Variants in KIF16B observed in about 807,000 individuals in gnomAD.
KIF16B encodes the protein kinesin family member 16B.
In KIF16B, 98 loss-of-function variants were observed where a neutral mutation model predicts 156.3. The ratio of observed to expected loss-of-function variants is 0.63; its 90% CI spans 0.53 to 0.74. The LOEUF is 0.74. Among genes scored for constraint, KIF16B ranks in the 30% least tolerant of loss-of-function variants. The pLI is 0.00. For missense variants in KIF16B, 1,421 were observed against 1,606.5 expected (o/e 0.88, Z 1.97); for synonymous variants, 564 against 583.7 (o/e 0.97, Z 0.49).
At chr20:16,277,565 C>T (rs2122275431) in intron 25 of KIF16B, among the ~76,000 whole-genome samples, 1 of 151,734 alleles carries the variant, frequency 6.6e-6, no homozygotes, top group East Asian at 1.9e-4. Flanking sequence ...TTTTCCACAG[C>T]ATCTGTGGCT....
chr20:16,570,678 T>C (rs2071419436), intron 1 of KIF16B, among the ~76,000 whole-genome samples: 1 of 152,210 alleles, frequency 6.6e-6, no homozygotes, highest in South Asian at 2.1e-4. Flanking sequence ...ACTAGCCTTG[T>C]CTTCAAGACC....
rs551673394 is a variant in KIF16B at position 16,336,775 on chromosome 20, G to A, written c.3622-760C>T. ...AGCCAGAGATGCTGAAGTCATCCCTGACCTCCCTTCTCTTCCTATCCCTGC... is the reference window on the plus strand; with the variant it reads ...AGCCAGAGATGCTGAAGTCATCCCTAACCTCCCTTCTCTTCCTATCCCTGC... On this transcript the variant is annotated intron_variant, in intron 23 of 25. Transcript: ENST00000354981. 9.3e-4 allele frequency among the ~76,000 whole-genome samples: 141 copies of A among 152,250 alleles called. 1 individual carries two copies. The highest frequency in any genetic ancestry group is 3.1e-3 in the African/African-American group (129 of 41,562).
At chr20:16,470,745 A>C (rs553119213) in intron 12 of KIF16B, among the ~76,000 whole-genome samples, 76 of 151,398 alleles carry the variant, frequency 5.0e-4, no homozygotes, top group Admixed American at 1.2e-3. Context: ...AATCGGCCCA[A>C]CTCAGCCTCT....
At chr20:16,487,531 T>C (rs957556839) in intron 12 of KIF16B, among the ~76,000 whole-genome samples, 4 of 152,188 alleles carry the variant, frequency 2.6e-5, no homozygotes, top group African/African-American at 9.7e-5. Context: ...AAAAATCTTT[T>C]ATAGGTTGCC....
Position 16,511,405 on chromosome 20 carries a change from T to C in KIF16B, c.556+13A>G. On this transcript the variant is annotated intron_variant, in intron 6 of 25. Coordinates refer to ENST00000354981, the MANE Select transcript of KIF16B (RefSeq NM_024704.5). ...TCACAAAAAGAATATGGCTGTGAAATATCTACTCTTACCCTCAACATAAGG... is the reference window on the plus strand; with the variant it reads ...TCACAAAAAGAATATGGCTGTGAAACATCTACTCTTACCCTCAACATAAGG... 3 of 1,401,758 alleles carry C rather than the reference T, an allele frequency of 2.1e-6. No individual in the cohort carries two copies. The highest frequency in any genetic ancestry group is 1.4e-5 in the African/African-American group (1 of 70,050). The allele number at this position is 1,401,758 out of a possible 1,614,324, so 86.8% of individuals were successfully genotyped here. A position where few individuals can be genotyped will look rare whatever the true frequency, so the allele number is the denominator to read the frequency against.
intron 12 of KIF16B, among the ~76,000 whole-genome samples, chr20:16,468,067 G>A (rs1211219564): frequency 1.3e-5 from 2 of 152,040 alleles, no homozygotes; most frequent in African/African-American, 4.8e-5. Context: ...ATAAACCAAT[G>A]AAAAGACATA....
At chr20:16,480,387 A>G (rs756139832) in intron 12 of KIF16B, among the ~76,000 whole-genome samples, 4 of 152,164 alleles carry the variant, frequency 2.6e-5, no homozygotes, top group African/African-American at 7.2e-5. Flanking sequence ...CAGCCTACCC[A>G]CTTGTGATTG....
chr20:16,522,584 C>T (rs1486618727), intron 3 of KIF16B, among the ~76,000 whole-genome samples: 1 of 152,130 alleles, frequency 6.6e-6, no homozygotes, highest in Non-Finnish European at 1.5e-5. Context: ...GACTTTAACA[C>T]CCCACTGTCA....
intron 12 of KIF16B, among the ~76,000 whole-genome samples, chr20:16,480,505 T>C (rs546330454): frequency 2.0e-5 from 3 of 152,298 alleles, no homozygotes; most frequent in Middle Eastern, 3.4e-3. Flanking sequence ...AAGACTTAAA[T>C]AATGATAAAA....
Position 16,501,706 on chromosome 20 carries a change from C to A in KIF16B, c.1176+2666G>T, listed in dbSNP as rs76142678. Reference sequence around the variant, plus strand: ...CTACTACATGCAACAGCATGGGTGACTCTCACAAACATAATGTTGACTGAA... The same window carrying A: ...CTACTACATGCAACAGCATGGGTGAATCTCACAAACATAATGTTGACTGAA... On this transcript the variant is annotated intron_variant, in intron 10 of 25. Coordinates refer to ENST00000354981, the MANE Select transcript of KIF16B (RefSeq NM_024704.5). Among the ~76,000 whole-genome samples the A allele has an allele frequency of 3.4e-3, 521 of 152,242 alleles. 5 individuals carry two copies. The highest frequency in any genetic ancestry group is 0.012 in the African/African-American group (478 of 41,554).
In KIF16B at chr20:16,542,875, A is replaced by T. The variant is rs140774789; in HGVS notation, c.48-14435T>A. Among the ~76,000 whole-genome samples the T allele has an allele frequency of 5.7e-3, 875 of 152,314 alleles. 7 individuals are homozygous for T. Among genetic ancestry groups the T allele is most frequent in the African/African-American group, 0.02 (834 of 41,576 alleles). On this transcript the variant is annotated intron_variant, in intron 1 of 25. Coordinates refer to ENST00000354981, the MANE Select transcript of KIF16B (RefSeq NM_024704.5). ...GTGGCAAAGTCGTATTTATATTTTT[A>T]AAAGGCCCCTCTGGTTGGTGTGCAT...
intron 15 of KIF16B, among the ~76,000 whole-genome samples, chr20:16,412,304 C>T (rs527769758): frequency 5.1e-4 from 77 of 151,834 alleles, no homozygotes; most frequent in Non-Finnish European, 8.7e-4. Flanking sequence ...AGACCGAGGC[C>T]AGAAGGAAGA....
intron 23 of KIF16B, among the ~76,000 whole-genome samples, chr20:16,338,906 C>T (rs780662653): frequency 3.9e-4 from 59 of 152,256 alleles, no homozygotes; most frequent in Admixed American, 8.5e-4. Context: ...AGCTGACAAC[C>T]TTAAGTCCTT....
intron 1 of KIF16B, among the ~76,000 whole-genome samples, chr20:16,540,944 A>G (rs895050591): frequency 6.6e-6 from 1 of 152,102 alleles, no homozygotes; most frequent in Non-Finnish European, 1.5e-5. Flanking sequence ...TTAGATGCAG[A>G]TGTATTCGCC....
intron 1 of KIF16B, among the ~76,000 whole-genome samples, chr20:16,531,427 T>C (rs959830500): frequency 5.3e-5 from 8 of 152,204 alleles, no homozygotes; most frequent in Non-Finnish European, 1.2e-4. Flanking sequence ...GGTGAATTAA[T>C]GGCTCTAGGG....
intron 3 of KIF16B, among the ~76,000 whole-genome samples, chr20:16,524,703 TCTA>T (rs1403991569): frequency 6.6e-6 from 1 of 152,140 alleles, no homozygotes; most frequent in African/African-American, 2.4e-5. Context: ...TATAAATCAT[TCTA>T]CTATAAAGAC....
intron 24 of KIF16B, among the ~76,000 whole-genome samples, chr20:16,320,943 A>C (rs570311110): frequency 6.6e-6 from 1 of 152,310 alleles, no homozygotes; most frequent in East Asian, 1.9e-4. Flanking sequence ...GTGGTGAAGA[A>C]AATTTAATTT....
intron 24 of KIF16B, among the ~76,000 whole-genome samples, chr20:16,327,546 C>T (rs970465783): frequency 1.3e-5 from 2 of 152,114 alleles, no homozygotes; most frequent in African/African-American, 4.8e-5. Context: ...AGGATTTGCT[C>T]CCAATTACAC....
At chr20:16,311,895 A>T (rs2063624613) in intron 25 of KIF16B, among the ~76,000 whole-genome samples, 1 of 151,956 alleles carries the variant, frequency 6.6e-6, no homozygotes. Flanking sequence ...AGTCAAATGA[A>T]ACCTACCCAT....
Sources: allele counts gnomAD v4.1 joint callset (sites outside exome capture counted in the v4.1 genomes callset), GRCh38; gene constraint gnomAD v4.1.1; transcripts MANE v1.5; gene names NCBI Gene and HGNC (gene_info 2026-07-23, HGNC 2026-07-21).